Variants in FBXO42 observed in about 807,000 individuals in gnomAD.
The protein encoded by FBXO42 is F-box protein 42.
In FBXO42, 12 loss-of-function variants were observed where a neutral mutation model predicts 71.7. The ratio of observed to expected loss-of-function variants is 0.17; its 90% confidence interval spans 0.11 to 0.27. FBXO42 has a LOEUF of 0.27. Among genes scored for constraint, FBXO42 ranks in the 10% least tolerant of loss-of-function variants. FBXO42 has a pLI of 1.00. For synonymous variants in FBXO42, 325 were observed against 327.5 expected (o/e 0.99, Z 0.08); for missense variants, 707 against 911.9 (o/e 0.78, Z 2.89).
intron 1 of FBXO42, among the ~76,000 whole-genome samples, chr1:16,338,387 G>C (rs1200659374): frequency 2.8e-5 from 4 of 144,190 alleles, no homozygotes; most frequent in Non-Finnish European, 6.0e-5. Context: ...GAATAACAAT[G>C]TTGCATGACA....
intron 1 of FBXO42, among the ~76,000 whole-genome samples, chr1:16,336,639 G>A (rs767222290): frequency 5.9e-5 from 9 of 151,790 alleles, no homozygotes; most frequent in Non-Finnish European, 1.2e-4. Flanking sequence ...TTACAGGCAT[G>A]AGCCACTGTC....
chr1:16,350,663 C>A (rs1461839338), intron 1 of FBXO42, among the ~76,000 whole-genome samples: 1 of 145,630 alleles, frequency 6.9e-6, no homozygotes, highest in East Asian at 2.0e-4. Flanking sequence ...AGGAGAATCG[C>A]TTAAACCCAG....
Position 16,251,012 on chromosome 1 carries a change from T to G in FBXO42, c.1812A>C (p.Pro604=). The G allele has an allele frequency of 6.2e-7, 1 of 1,614,190 alleles. No individual in the cohort carries two copies. Among genetic ancestry groups the G allele is most frequent in the South Asian group, 1.1e-5 (1 of 91,086 alleles). Residue 604 remains proline, a synonymous_variant, in exon 10 of 10, where the codon CCA becomes CCC. Transcript: ENST00000375592. The surrounding 1 kb of genome is among the most constrained non-coding windows in gnomAD (Gnocchi z 4.5). ...AATGTCCATCTCCTTGGGCAGGCCCTGGGCGAGGGATGGGCACTGTTTCTC... is the reference window on the plus strand; with the variant it reads ...AATGTCCATCTCCTTGGGCAGGCCCGGGGCGAGGGATGGGCACTGTTTCTC... ...SSGETVPIPR[P]GPAQGDGHSL...
chr1:16,288,307 G>GTT (rs1403483185), intron 4 of FBXO42, among the ~76,000 whole-genome samples: 1 of 152,070 alleles, frequency 6.6e-6, no homozygotes, highest in Non-Finnish European at 1.5e-5. Context: ...GCACATGCCT[G>GTT]TAACCCCAGC....
At chr1:16,331,553 G>A (rs767476901) in intron 1 of FBXO42, among the ~76,000 whole-genome samples, 8 of 151,116 alleles carry the variant, frequency 5.3e-5, no homozygotes, top group Non-Finnish European at 4.4e-5. Context: ...TCAGGGGTTC[G>A]AGACCAGCCT....
At chr1:16,316,479 T>A (rs1463853416) in intron 1 of FBXO42, among the ~76,000 whole-genome samples, 1 of 152,090 alleles carries the variant, frequency 6.6e-6, no homozygotes, top group Non-Finnish European at 1.5e-5. Context: ...CTCACACCTG[T>A]AGTCCCAGCA....
intron 2 of FBXO42, among the ~76,000 whole-genome samples, chr1:16,308,064 A>C (rs2082270695): frequency 6.6e-6 from 1 of 152,210 alleles, no homozygotes; most frequent in Non-Finnish European, 1.5e-5. Flanking sequence ...TAATCAAGAC[A>C]GTGTGGTATT....
At chr1:16,263,496 T>A (rs538064098) in intron 4 of FBXO42, among the ~76,000 whole-genome samples, 2 of 151,520 alleles carry the variant, frequency 1.3e-5, no homozygotes, top group East Asian at 3.9e-4. Context: ...CCAGGCGTGG[T>A]GGATCACCTG....
intron 5 of FBXO42, among the ~76,000 whole-genome samples, chr1:16,256,158 G>A (rs1331236006): frequency 1.3e-5 from 2 of 152,130 alleles, no homozygotes; most frequent in Admixed American, 6.5e-5. Flanking sequence ...CAGCTAACAA[G>A]CGCCACGTAC....
rs1311917892 is a variant in FBXO42, at chr1:16,247,714, C to CA, written c.*2955dup. 4 of 152,158 alleles carry CA rather than the reference C, an allele frequency of 2.6e-5. No individual in the cohort carries two copies. Among genetic ancestry groups the CA allele is most frequent in the Non-Finnish European group, 5.9e-5 (4 of 68,030 alleles). 9.4% of individuals were successfully genotyped at this position (152,158 alleles called of 1,614,324 possible). ...CCTAAAATGAAATTTAAGCTTGTTT[C>CA]AACACCAAATTTGTGCTCCCAAAGT... On this transcript the variant is annotated 3_prime_UTR_variant, in exon 10 of 10. Coordinates refer to ENST00000375592, the MANE Select transcript of FBXO42 (RefSeq NM_018994.3).
At chr1:16,331,742 A>AAAAT (rs912056359) in intron 1 of FBXO42, among the ~76,000 whole-genome samples, 58 of 149,322 alleles carry the variant, frequency 3.9e-4, no homozygotes, top group East Asian at 6.0e-4. Context: ...ACTCAGTCTC[A>AAAAT]AAATAAATAA....
At chr1:16,316,265 G>C (rs2082365319) in intron 1 of FBXO42, among the ~76,000 whole-genome samples, 1 of 151,832 alleles carries the variant, frequency 6.6e-6, no homozygotes, top group African/African-American at 2.4e-5. Flanking sequence ...TGTTTGCCCG[G>C]AGAATACTTG....
chr1:16,254,941 CTTCT>C (rs1334774789), intron 6 of FBXO42, among the ~76,000 whole-genome samples: 6 of 152,096 alleles, frequency 3.9e-5, no homozygotes, highest in African/African-American at 9.7e-5. Context: ...CTTTTCTTTC[CTTCT>C]TTCTTTCTTT....
At position 16,249,610 on chromosome 1, in the gene FBXO42, T is replaced by C. The variant is rs970038148; in HGVS notation, c.*1060A>G. ...GGGAAAAAACAGTATCTTTTGATGCTTGCTTCAAAGATTTCTCACAATATT... is the reference window on the plus strand; with the variant it reads ...GGGAAAAAACAGTATCTTTTGATGCCTGCTTCAAAGATTTCTCACAATATT... On this transcript the variant is annotated 3_prime_UTR_variant, in exon 10 of 10. Coordinates refer to ENST00000375592, the MANE Select transcript of FBXO42 (RefSeq NM_018994.3). 3 of 152,188 alleles carry C rather than the reference T, an allele frequency of 2.0e-5. No individual in the cohort carries two copies. The highest frequency in any genetic ancestry group is 1.9e-4 in the East Asian group (1 of 5,200). The allele number at this position is 152,188 out of a possible 1,614,324, so 9.4% of individuals were successfully genotyped here. A position where few individuals can be genotyped will look rare whatever the true frequency, so the allele number is the denominator to read the frequency against.
intron 4 of FBXO42, among the ~76,000 whole-genome samples, chr1:16,258,371 T>C (rs1010102520): frequency 4.6e-5 from 7 of 152,134 alleles, no homozygotes; most frequent in African/African-American, 9.6e-5. Context: ...TCCTTTTTTT[T>C]TTTTTGAGAC....
intron 4 of FBXO42, 42 bp from the exon 5 acceptor site, chr1:16,256,801 C>T (rs371993352): frequency 1.9e-6 from 3 of 1,605,800 alleles, no homozygotes; most frequent in Non-Finnish European, 2.6e-6. Context: ...TTCAGGATCT[C>T]ACAACAATCC....
At position 16,280,252 on chromosome 1, in the gene FBXO42, T is replaced by G. The variant is rs138756139; in HGVS notation, c.502+14531A>C. ...TCTAACCATAAGATAAACATCCAAG[T>G]TGAAGAGTGGTCTATAAGATACCTG... On this transcript the variant is annotated intron_variant, in intron 4 of 9. Transcript: ENST00000375592. Among the ~76,000 whole-genome samples the G allele has an allele frequency of 4.9e-4, 74 of 152,276 alleles. 1 individual carries two copies. The highest frequency in any genetic ancestry group is 8.5e-4 in the Admixed American group (13 of 15,276).
chr1:16,342,299 G>T (rs1315559933), intron 1 of FBXO42, among the ~76,000 whole-genome samples: 1 of 151,346 alleles, frequency 6.6e-6, no homozygotes, highest in Non-Finnish European at 1.5e-5. Context: ...AGGAGGCTGA[G>T]GCAGGAGAAT....
chr1:16,344,515 T>C (rs1321387774), intron 1 of FBXO42, among the ~76,000 whole-genome samples: 1 of 146,312 alleles, frequency 6.8e-6, no homozygotes, highest in African/African-American at 2.5e-5. Context: ...TTGTATTTTT[T>C]AGTAGAGACG....
Sources: gnomAD v4.1 joint callset for allele counts (sites outside exome capture counted in the v4.1 genomes callset) on GRCh38, gnomAD v4.1.1 for gene constraint, Gnocchi (gnomAD v3.1) non-coding constraint, MANE v1.5 for transcripts, NCBI Gene and HGNC (gene_info 2026-07-23, HGNC 2026-07-21) for gene names.